AUTS2: variants seen among roughly 807,000 people sequenced by gnomAD.
AUTS2 encodes the protein activator of transcription and developmental regulator AUTS2, also known as autism susceptibility gene 2 protein.
A neutral mutation model predicts 112.4 loss-of-function variants in AUTS2; 17 were observed. The ratio of observed to expected loss-of-function variants is 0.15; its 90% CI spans 0.10 to 0.23. The LOEUF (loss-of-function observed/expected upper bound fraction) is 0.23, where lower values mean the gene tolerates loss of function less well. Ranked by LOEUF, AUTS2 falls within the 10% of genes least tolerant of loss-of-function variation. The pLI, the probability that AUTS2 is intolerant of heterozygous loss-of-function variation, is 1.00. For missense variants in AUTS2, 1,510 were observed against 1,701.6 expected, an observed-to-expected ratio of 0.89 and a Z score of 1.98; for synonymous variants, 751 against 702.7, an observed-to-expected ratio of 1.07 and a Z score of -1.09.
chr7:70,164,696 T>A (rs1224699477), intron 4 of AUTS2, among the ~76,000 whole-genome samples: 3 of 152,136 alleles, frequency 2.0e-5, no homozygotes, highest in Non-Finnish European at 4.4e-5. Flanking sequence ...ACAGACACAA[T>A]TCAACTACTG....
Position 70,588,419 on chromosome 7 carries a change from G to A in AUTS2, c.691-110150G>A, listed in dbSNP as rs75470828. Among the ~76,000 whole-genome samples, 346 of 152,290 alleles carry A rather than the reference G, an allele frequency of 2.3e-3. 1 individual carries two copies. Among genetic ancestry groups the A allele is most frequent in the African/African-American group, 7.5e-3 (310 of 41,554 alleles). Reference sequence around the variant, plus strand: ...GTGGTTTAGCACAGAGGGGGACGACGGGGAAGAGAGAGGGGCAGGAGCTGC... The same window carrying A: ...GTGGTTTAGCACAGAGGGGGACGACAGGGAAGAGAGAGGGGCAGGAGCTGC... On this transcript the variant is annotated intron_variant, in intron 5 of 18. Coordinates refer to ENST00000342771, the MANE Select transcript of AUTS2 (RefSeq NM_015570.4).
intron 5 of AUTS2, among the ~76,000 whole-genome samples, chr7:70,641,359 C>CTT (rs1805818908): frequency 6.6e-6 from 1 of 152,026 alleles, no homozygotes; most frequent in Non-Finnish European, 1.5e-5. Flanking sequence ...ACCATCCTGG[C>CTT]TAACACGGTG....
intron 2 of AUTS2, 94 bp downstream of exon 2, chr7:69,899,592 T>C (rs1369066846): frequency 8.3e-7 from 1 of 1,198,684 alleles, no homozygotes; most frequent in African/African-American, 1.5e-5. Flanking sequence ...GTGGAGAAGA[T>C]ATCCTTGGTG....
At chr7:70,293,521 C>T (rs1562857073) in intron 4 of AUTS2, 2 of 152,142 alleles carry the variant, frequency 1.3e-5, no homozygotes, top group Non-Finnish European at 2.9e-5. Context: ...GTTCTGTCAT[C>T]ATGCCTGAAA....
At chr7:70,230,406 G>A (rs1196800126) in intron 4 of AUTS2, among the ~76,000 whole-genome samples, 1 of 152,070 alleles carries the variant, frequency 6.6e-6, no homozygotes, top group East Asian at 1.9e-4. Context: ...GCTTTCTAGG[G>A]ACCACCCCTG....
At position 69,900,840 on chromosome 7, in the gene AUTS2, G is replaced by A. The variant is rs934728438; in HGVS notation, c.522+1342G>A. Among the ~76,000 whole-genome samples, 17 of 152,262 alleles carry A rather than the reference G, an allele frequency of 1.1e-4. No individual in the cohort carries two copies. The Middle Eastern group carries it at 0.01, about 91-fold the overall frequency. ...CAAAGGTACACTTGTGTCCTGAAAC[G>A]CCAGACTGGAGTTATAATAGTAATT... On this transcript the variant is annotated intron_variant, in intron 2 of 18. Transcript: ENST00000342771.
Position 70,757,149 on chromosome 7 carries a change from A to G in AUTS2, c.743-5721A>G, listed in dbSNP as rs563652718. Among the ~76,000 whole-genome samples the G allele has an allele frequency of 3.3e-5, 5 of 152,296 alleles. No homozygotes were observed. In the South Asian group the frequency reaches 1.0e-3, roughly 32 times the overall value. On this transcript the variant is annotated intron_variant, in intron 6 of 18. Transcript: ENST00000342771. ...ACTGAAAAACACTTTGAAAAAAGCA[A>G]TTTTGTGGGGGAAGCCATTTCTGAA... is the stretch of plus-strand genomic sequence containing the variant.
At chr7:70,436,092 A>C in intron 5 of AUTS2, 1 of 282,168 alleles carries the variant, frequency 3.5e-6, no homozygotes, top group Non-Finnish European at 6.6e-6. Context: ...TTTAATAACC[A>C]TCTGATTTTT....
At chr7:70,710,905 C>T (rs1019269560) in intron 6 of AUTS2, among the ~76,000 whole-genome samples, 1 of 152,206 alleles carries the variant, frequency 6.6e-6, no homozygotes, top group African/African-American at 2.4e-5. Flanking sequence ...CTGTAGAGGC[C>T]ACATGGCCCT....
At position 70,190,798 on chromosome 7, in the gene AUTS2, A is replaced by G. The variant is rs150235155; in HGVS notation, c.660+56227A>G. 2.9e-3 allele frequency among the ~76,000 whole-genome samples: 445 copies of G among 152,310 alleles called. 5 individuals are homozygous for G. The highest frequency in any genetic ancestry group is 0.01 in the African/African-American group (431 of 41,568). On this transcript the variant is annotated intron_variant, in intron 4 of 18. Coordinates refer to ENST00000342771, the MANE Select transcript of AUTS2 (RefSeq NM_015570.4). ...GAGGATTTGCAGCGTACACTATTGT[A>G]TAATCTCATTGCTTATAATTTTTTT...
In AUTS2 at chr7:70,771,445, T is replaced by C. The variant is rs147006946; in HGVS notation, c.1735-104T>C. ...TTGACTAATGGCATCAAACTGAGAT[T>C]ACGTGGCTTGCTCATGTCGATGTCT... is the stretch of plus-strand genomic sequence containing the variant. On this transcript the variant is annotated intron_variant, in intron 10 of 18. Coordinates refer to ENST00000342771, the MANE Select transcript of AUTS2 (RefSeq NM_015570.4). 8.8e-5 allele frequency: 76 copies of C among 866,418 alleles called. No homozygotes were observed. In the South Asian group the frequency reaches 1.3e-3, roughly 15 times the overall value. The allele number at this position is 866,418 out of a possible 1,614,324, so 53.7% of individuals were successfully genotyped here.
chr7:69,860,681 C>T (rs1431765038), intron 1 of AUTS2, among the ~76,000 whole-genome samples: 3 of 151,902 alleles, frequency 2.0e-5, no homozygotes, highest in Admixed American at 6.6e-5. Flanking sequence ...TTTTTTTTCC[C>T]ACATAACCCA....
chr7:70,579,316 G>T (rs556569579), intron 5 of AUTS2, among the ~76,000 whole-genome samples: 4 of 144,100 alleles, frequency 2.8e-5, no homozygotes, highest in Non-Finnish European at 6.0e-5. Flanking sequence ...TGCTATCTCA[G>T]TATGCAATGC....
intron 4 of AUTS2, among the ~76,000 whole-genome samples, chr7:70,396,766 T>C (rs1294412789): frequency 6.6e-6 from 1 of 152,188 alleles, no homozygotes; most frequent in African/African-American, 2.4e-5. Flanking sequence ...ATTATTTACC[T>C]TTTCACCTAC....
intron 4 of AUTS2, among the ~76,000 whole-genome samples, chr7:70,219,702 G>C (rs1043800914): frequency 4.8e-4 from 73 of 151,732 alleles, no homozygotes; most frequent in African/African-American, 1.7e-3. Flanking sequence ...CTCTCAAATA[G>C]CTGGGATTAC....
intron 1 of AUTS2, among the ~76,000 whole-genome samples, chr7:69,745,663 A>G (rs974994364): frequency 2.0e-5 from 3 of 152,158 alleles, no homozygotes; most frequent in African/African-American, 7.2e-5. Context: ...GCAAATTCCA[A>G]TATAGATTAT....
intron 2 of AUTS2, among the ~76,000 whole-genome samples, chr7:70,080,972 A>AT (rs1000778262): frequency 6.6e-6 from 1 of 152,022 alleles, no homozygotes; most frequent in African/African-American, 2.4e-5. Context: ...TTGAAAGATA[A>AT]TTGAGTGAAG....
At chr7:70,079,303 G>GT (rs1303576772) in intron 2 of AUTS2, among the ~76,000 whole-genome samples, 1 of 152,074 alleles carries the variant, frequency 6.6e-6, no homozygotes, top group Non-Finnish European at 1.5e-5. Context: ...TTGTGAGCTG[G>GT]TTTTTTAGTA....
intron 2 of AUTS2, among the ~76,000 whole-genome samples, chr7:70,045,993 T>C (rs1359229145): frequency 6.6e-6 from 1 of 152,092 alleles, no homozygotes; most frequent in African/African-American, 2.4e-5. Flanking sequence ...GAATAACAGA[T>C]GAGTACACTC....
Sources: gnomAD v4.1 joint callset for allele counts (sites outside exome capture counted in the v4.1 genomes callset) on GRCh38, gnomAD v4.1.1 for gene constraint, MANE v1.5 for transcripts, NCBI Gene and HGNC (gene_info 2026-07-23, HGNC 2026-07-21) for gene names.